Variants in CTNND2 observed in about 807,000 individuals in gnomAD.
CTNND2 encodes the protein catenin delta 2.
In CTNND2, 22 loss-of-function variants were observed where a neutral mutation model predicts 144.4. That is an observed-to-expected ratio of 0.15 (90% CI 0.11 to 0.22). The LOEUF (loss-of-function observed/expected upper bound fraction) is 0.22. Ranked by LOEUF, CTNND2 falls within the 10% of genes least tolerant of loss-of-function variation. The pLI is 1.00. For missense variants in CTNND2, 1,353 were observed against 1,618.8 expected (o/e 0.84, Z 2.82); for synonymous variants, 751 against 695.6 (o/e 1.08, Z -1.25).
At chr5:11,878,548 C>T (rs1190624148) in intron 1 of CTNND2, among the ~76,000 whole-genome samples, 1 of 152,218 alleles carries the variant, frequency 6.6e-6, no homozygotes, top group African/African-American at 2.4e-5. Context: ...CTGAATACAA[C>T]TGCACCAGAA....
At chr5:11,540,471 G>A (rs566108294) in intron 3 of CTNND2, among the ~76,000 whole-genome samples, 23 of 152,288 alleles carry the variant, frequency 1.5e-4, no homozygotes, top group South Asian at 1.5e-3. Context: ...TAGAATAAAT[G>A]GTTACGACAC....
At chr5:11,790,313 G>C (rs1431806196) in intron 1 of CTNND2, among the ~76,000 whole-genome samples, 2 of 152,154 alleles carry the variant, frequency 1.3e-5, no homozygotes, top group Non-Finnish European at 2.9e-5. Context: ...CTTAGTGCCT[G>C]CCATATGCTT....
chr5:11,028,420 G>T (rs1364577965), intron 16 of CTNND2, among the ~76,000 whole-genome samples: 2 of 152,050 alleles, frequency 1.3e-5, no homozygotes, highest in African/African-American at 4.8e-5. Flanking sequence ...TCCATTTTAA[G>T]TATATAGTTC....
intron 2 of CTNND2, among the ~76,000 whole-genome samples, chr5:11,613,963 C>T (rs1485417367): frequency 2.0e-5 from 3 of 152,092 alleles, no homozygotes; most frequent in Non-Finnish European, 4.4e-5. Context: ...TCTATAATGA[C>T]ATGACAGAAC....
intron 9 of CTNND2, among the ~76,000 whole-genome samples, chr5:11,286,545 C>A (rs1422575878): frequency 6.6e-6 from 1 of 152,178 alleles, no homozygotes; most frequent in Non-Finnish European, 1.5e-5. Flanking sequence ...TCGAAGCCAA[C>A]AGTAAAATGG....
intron 2 of CTNND2, among the ~76,000 whole-genome samples, chr5:11,698,791 TAAG>T (rs1785259162): frequency 6.6e-6 from 1 of 151,982 alleles, no homozygotes; most frequent in Non-Finnish European, 1.5e-5. Context: ...GAGTTTAAAG[TAAG>T]AATTGTCCAG....
intron 1 of CTNND2, among the ~76,000 whole-genome samples, chr5:11,839,441 AT>A (rs145923421): frequency 0.021 from 3,125 of 150,470 alleles, 103 homozygotes; most frequent in African/African-American, 0.072. Flanking sequence ...AACAATGACA[AT>A]TTTTTTTTTA....
intron 16 of CTNND2, among the ~76,000 whole-genome samples, chr5:11,060,868 T>C (rs752460838): frequency 2.0e-5 from 3 of 152,254 alleles, no homozygotes; most frequent in Non-Finnish European, 4.4e-5. Flanking sequence ...AATGCTTATC[T>C]ACCTGTGGAT....
At position 11,104,375 on chromosome 5, in the gene CTNND2, A is replaced by T. The variant is rs1752206741; in HGVS notation, c.2464-5627T>A. On this transcript the variant is annotated intron_variant, in intron 14 of 21. Transcript: ENST00000304623. ...GCTCTAAGTAGGTAAACTGTCAGAG[A>T]ATGTTCTCTCAAGCAGGGTTTGGTT... 2.0e-5 allele frequency among the ~76,000 whole-genome samples: 3 copies of T among 152,152 alleles called. No individual in the cohort carries two copies. In the South Asian group the frequency reaches 6.2e-4, roughly 32 times the overall value.
intron 16 of CTNND2, among the ~76,000 whole-genome samples, chr5:11,024,310 TTGA>T (rs1234385241): frequency 6.6e-6 from 1 of 152,224 alleles, no homozygotes; most frequent in Non-Finnish European, 1.5e-5. Flanking sequence ...GTTCATTCAC[TTGA>T]TGATAGCTGA....
chr5:11,635,512 G>A (rs1478479839), intron 2 of CTNND2, among the ~76,000 whole-genome samples: 3 of 152,110 alleles, frequency 2.0e-5, no homozygotes, highest in Non-Finnish European at 4.4e-5. Flanking sequence ...TTAGGGATAA[G>A]GCATTTCCAT....
chr5:11,617,703 G>A (rs1780643891), intron 2 of CTNND2, among the ~76,000 whole-genome samples: 1 of 152,142 alleles, frequency 6.6e-6, no homozygotes, highest in African/African-American at 2.4e-5. Flanking sequence ...ATTTCCACAA[G>A]TGTTACAGAG....
At chr5:11,359,996 T>C (rs1222738039) in intron 8 of CTNND2, among the ~76,000 whole-genome samples, 4 of 152,168 alleles carry the variant, frequency 2.6e-5, no homozygotes, top group Non-Finnish European at 5.9e-5. Context: ...TGTTCCTATA[T>C]GCATGCTCAG....
intron 9 of CTNND2, among the ~76,000 whole-genome samples, chr5:11,345,733 A>T (rs772223347): frequency 7.2e-5 from 11 of 151,998 alleles, no homozygotes; most frequent in Admixed American, 4.6e-4. Context: ...CCAACTTTAC[A>T]AGCAGAGCAT....
intron 9 of CTNND2, among the ~76,000 whole-genome samples, chr5:11,288,420 T>A (rs1435121803): frequency 6.6e-6 from 1 of 152,140 alleles, no homozygotes; most frequent in East Asian, 1.9e-4. Flanking sequence ...TCTAATTGAA[T>A]TACTTGTAAT....
intron 16 of CTNND2, among the ~76,000 whole-genome samples, chr5:11,066,871 T>C (rs1372156028): frequency 6.6e-6 from 1 of 152,208 alleles, no homozygotes; most frequent in African/African-American, 2.4e-5. Flanking sequence ...GAATTACTCC[T>C]TGGGTCTCCC....
rs1385245076 is a variant in CTNND2 at position 11,092,075 on chromosome 5, GA to G, written c.2637+6499del. ...CCCTCAATCTTCATACCATGGCTTG[GA>G]AACTCTCTCTCAAGGTGGTGAGCTG... On this transcript the variant is annotated intron_variant, in intron 15 of 21. Transcript: ENST00000304623. 3.3e-5 allele frequency among the ~76,000 whole-genome samples: 5 copies of G among 152,116 alleles called. No homozygotes were observed. The East Asian group carries it at 9.7e-4, about 30-fold the overall frequency.
At position 11,681,350 on chromosome 5, in the gene CTNND2, A is replaced by C. The variant is rs142367434; in HGVS notation, c.174+50786T>G. ...CGGATGAATCTAAAGGATGCAGATTAAAGTCTCCTGAACATAATAAAAGCA... is the reference window on the plus strand; with the variant it reads ...CGGATGAATCTAAAGGATGCAGATTCAAGTCTCCTGAACATAATAAAAGCA... On this transcript the variant is annotated intron_variant, in intron 2 of 21. Transcript: ENST00000304623. Among the ~76,000 whole-genome samples, 868 of 152,336 alleles carry C rather than the reference A, an allele frequency of 5.7e-3. 5 individuals are homozygous for C. The highest frequency in any genetic ancestry group is 0.02 in the African/African-American group (828 of 41,578).
chr5:11,861,837 G>A (rs1344957977), intron 1 of CTNND2, among the ~76,000 whole-genome samples: 2 of 152,078 alleles, frequency 1.3e-5, no homozygotes, highest in Admixed American at 1.3e-4. Flanking sequence ...GGACTCCTTG[G>A]CATTTCTTGA....
Sources: gnomAD v4.1 joint callset for allele counts (sites outside exome capture counted in the v4.1 genomes callset) on GRCh38, gnomAD v4.1.1 for gene constraint, MANE v1.5 for transcripts, NCBI Gene and HGNC (gene_info 2026-07-23, HGNC 2026-07-21) for gene names.